The following AFDN variants were observed in gnomAD, a reference collection of about 807,000 sequenced individuals.
AFDN encodes afadin.
In AFDN, 68 loss-of-function variants were observed where a neutral mutation model predicts 216.6. The observed-to-expected ratio is 0.31, with a 90% confidence interval of 0.26 to 0.38. The LOEUF is 0.38. Among genes scored for constraint, AFDN ranks in the 10% least tolerant of loss-of-function variants. The pLI is 1.00. For synonymous variants in AFDN, 868 were observed against 853.7 expected, an observed-to-expected ratio of 1.02 and a Z score of -0.29; for missense variants, 2,136 against 2,342.0, an observed-to-expected ratio of 0.91 and a Z score of 1.82.
intron 4 of AFDN, among the ~76,000 whole-genome samples, chr6:167,874,362 T>A (rs2128267119): frequency 6.6e-6 from 1 of 152,358 alleles, no homozygotes; most frequent in South Asian, 2.1e-4. Context: ...CTATTTTTAA[T>A]TAAATTATTT....
chr6:167,966,396 T>C (rs986107071), intron 32 of AFDN: 1 of 828,732 alleles, frequency 1.2e-6, no homozygotes. Flanking sequence ...TTGGATGTCA[T>C]GTGATCACTG....
intron 31 of AFDN, chr6:167,964,446 A>G: frequency 9.4e-7 from 1 of 1,065,346 alleles, no homozygotes; most frequent in Non-Finnish European, 1.1e-6. Flanking sequence ...CTCCAAGGGA[A>G]CACTTACTTT....
At chr6:167,844,849 C>CTTTTTTTTTTT (rs67495555) in intron 1 of AFDN, among the ~76,000 whole-genome samples, 190 of 127,672 alleles carry the variant, frequency 1.5e-3, no homozygotes, top group East Asian at 2.8e-3. Flanking sequence ...CTTTTCTTTT[C>CTTTTTTTTTTT]TTTTTTTTTT....
At chr6:167,944,553 T>A (rs1448514662) in intron 26 of AFDN, among the ~76,000 whole-genome samples, 2 of 152,234 alleles carry the variant, frequency 1.3e-5, no homozygotes, top group Non-Finnish European at 2.9e-5. Context: ...TAAGGCATGA[T>A]GATCTCATTC....
chr6:167,864,291 T>G (rs958700947), intron 1 of AFDN: 1 of 676,468 alleles, frequency 1.5e-6, no homozygotes, highest in African/African-American at 1.7e-5. Flanking sequence ...CCAATAGATG[T>G]TAGCTGTTGA....
At chr6:167,934,972 T>G (rs1457036751) in intron 23 of AFDN, among the ~76,000 whole-genome samples, 1 of 152,252 alleles carries the variant, frequency 6.6e-6, no homozygotes, top group Non-Finnish European at 1.5e-5. Flanking sequence ...GGTGCGTGCT[T>G]CTTTCTCAGT....
intron 1 of AFDN, among the ~76,000 whole-genome samples, chr6:167,833,217 GCTAGCT>G (rs1209014376): frequency 6.6e-6 from 1 of 152,198 alleles, no homozygotes; most frequent in African/African-American, 2.4e-5. Context: ...TGCAGTTGAG[GCTAGCT>G]CTAGTCTAGC....
chr6:167,853,302 A>G (rs1364550680), intron 1 of AFDN, among the ~76,000 whole-genome samples: 1 of 152,094 alleles, frequency 6.6e-6, no homozygotes, highest in Non-Finnish European at 1.5e-5. Context: ...TCATATAGTT[A>G]TTATTACAAC....
intron 13 of AFDN, 22 bp from the exon 14 acceptor site, chr6:167,911,079 G>T (rs1438238594): frequency 6.2e-7 from 1 of 1,603,620 alleles, no homozygotes; most frequent in South Asian, 1.1e-5. Flanking sequence ...TATTTTAAGT[G>T]ATGTCAGCTT....
At chr6:167,957,326 C>T (rs1054983982) in intron 30 of AFDN, among the ~76,000 whole-genome samples, 2 of 152,216 alleles carry the variant, frequency 1.3e-5, no homozygotes, top group African/African-American at 2.4e-5. Context: ...CTGGGTAGCG[C>T]CACCTCCATG....
chr6:167,952,192 A>G lies in AFDN; in HGVS notation c.4833+5A>G, dbSNP rs1796067027. ...GAGGCTGAACGAAGAGCGAGGGTAA[A>G]GGGGGGAGTGCTTTGGCTGTGCCCA... On this transcript the variant is annotated splice_donor_5th_base_variant and intron_variant, in intron 30 of 33. Transcript: ENST00000683244. 3.1e-6 allele frequency: 5 copies of G among 1,614,016 alleles called. No homozygotes were observed. Among genetic ancestry groups the G allele is most frequent in the Non-Finnish European group, 4.2e-6 (5 of 1,179,936 alleles).
chr6:167,844,849 CTTTTT>C (rs67495555), intron 1 of AFDN, among the ~76,000 whole-genome samples: 1 of 127,716 alleles, frequency 7.8e-6, no homozygotes. Flanking sequence ...CTTTTCTTTT[CTTTTT>C]TTTTTTTTTT....
At chr6:167,875,214 C>A in intron 4 of AFDN, 121 bp from the exon 5 acceptor site, 1 of 817,544 alleles carries the variant, frequency 1.2e-6, no homozygotes, top group Non-Finnish European at 2.0e-6. Context: ...CGTAACAGAC[C>A]TCTTAGGTAC....
intron 1 of AFDN, among the ~76,000 whole-genome samples, chr6:167,842,202 C>T (rs1016141240): frequency 4.6e-5 from 7 of 152,040 alleles, no homozygotes; most frequent in African/African-American, 1.7e-4. Context: ...TCCTGATTAC[C>T]AAAACCAGTT....
intron 1 of AFDN, among the ~76,000 whole-genome samples, chr6:167,846,678 G>T (rs2128154418): frequency 1.4e-5 from 2 of 138,132 alleles, no homozygotes; most frequent in East Asian, 2.2e-4. Context: ...ATTGAAGATT[G>T]AAAAAAGTAT....
At chr6:167,864,013 T>C (rs992922589) in intron 1 of AFDN, among the ~76,000 whole-genome samples, 2 of 152,178 alleles carry the variant, frequency 1.3e-5, no homozygotes, top group African/African-American at 4.8e-5. Flanking sequence ...GGACCAACAT[T>C]TCCCTCTTGC....
At position 167,962,682 on chromosome 6, in the gene AFDN, A is replaced by AGG; in HGVS notation, c.4968+117_4968+118dup. On this transcript the variant is annotated intron_variant, in intron 31 of 33. Coordinates refer to ENST00000683244, the MANE Select transcript of AFDN (RefSeq NM_001386888.1). The surrounding 1 kb of genome is among the most constrained non-coding windows in gnomAD (Gnocchi z 5.2). ...TTTCTTAAGAAGCACGAGGCAGAGC[A>AGG]GGGCCTGGCTCCCCCAGCTTTGTGA... The AGG allele has an allele frequency of 6.4e-7, 1 of 1,564,404 alleles. No homozygotes were observed. The highest frequency in any genetic ancestry group is 8.7e-7 in the Non-Finnish European group (1 of 1,153,848).
At chr6:167,965,130 A>C in intron 31 of AFDN, 1 of 945,746 alleles carries the variant, frequency 1.1e-6, no homozygotes, top group Non-Finnish European at 1.3e-6. Flanking sequence ...TTAGATTGTT[A>C]CTTTGGGAGA....
chr6:167,926,310 A>G (rs1171723200), intron 23 of AFDN, among the ~76,000 whole-genome samples: 1 of 152,258 alleles, frequency 6.6e-6, no homozygotes, highest in Non-Finnish European at 1.5e-5. Context: ...GTGCAGAAGT[A>G]TGAGAAAAAA....
Sources: allele counts gnomAD v4.1 joint callset (sites outside exome capture counted in the v4.1 genomes callset), GRCh38; gene constraint gnomAD v4.1.1; non-coding constraint Gnocchi (gnomAD v3.1); transcripts MANE v1.5; gene names NCBI Gene and HGNC (gene_info 2026-07-23, HGNC 2026-07-21).